PRPF3: variants seen among roughly 807,000 people sequenced by gnomAD.
PRPF3 encodes pre-mRNA processing factor 3.
A neutral mutation model predicts 89.2 loss-of-function variants in PRPF3; 3 were observed. That is an observed-to-expected ratio of 0.03 (90% confidence interval 0.02 to 0.09). The LOEUF is 0.09. Ranked by LOEUF, PRPF3 falls within the 10% of genes least tolerant of loss-of-function variation. The pLI is 1.00. For synonymous variants in PRPF3, 270 were observed against 289.1 expected (o/e 0.93, Z 0.67); for missense variants, 463 against 828.8 (o/e 0.56, Z 5.42).
rs782086138 is a variant in PRPF3, at chr1:150,338,330, AGTTT to A, written c.1202+9_1202+12del. ...TAATCCCCAATGGCTTTGATCTGTG[AGTTT>A]GTTTTAGTACCTTTTTAAAAAAACA... On this transcript the variant is annotated splice_donor_5th_base_variant and intron_variant, in intron 8 of 15. Coordinates refer to ENST00000324862, the MANE Select transcript of PRPF3 (RefSeq NM_004698.4). The A allele has an allele frequency of 2.5e-6, 4 of 1,613,560 alleles. No individual in the cohort carries two copies. In the African/African-American group the frequency reaches 4.0e-5, roughly 16 times the overall value.
At chr1:150,351,488 G>T (rs1553874356) in intron 15 of PRPF3, among the ~76,000 whole-genome samples, 1 of 151,366 alleles carries the variant, frequency 6.6e-6, no homozygotes, top group African/African-American at 2.4e-5. Context: ...CTGCATATTT[G>T]TTATCTTTTT....
intron 10 of PRPF3, 96 bp downstream of exon 10, chr1:150,343,548 T>TGAAA (rs1307167577): frequency 6.7e-7 from 1 of 1,495,684 alleles, no homozygotes; most frequent in Non-Finnish European, 9.2e-7. Context: ...GAGTGATTTC[T>TGAAA]GTTTCTAAGA....
chr1:150,345,948 T>A, intron 12 of PRPF3, 70 bp from the exon 13 acceptor site: 1 of 1,194,684 alleles, frequency 8.4e-7, no homozygotes, highest in South Asian at 1.2e-5. Flanking sequence ...TTCATCTTTT[T>A]ACTTGCCACT....
chr1:150,336,048 G>A (rs376702484), intron 7 of PRPF3, among the ~76,000 whole-genome samples: 5 of 152,288 alleles, frequency 3.3e-5, no homozygotes, highest in East Asian at 3.9e-4. Flanking sequence ...GATTATAGGC[G>A]TGAGCCACTG....
intron 1 of PRPF3, among the ~76,000 whole-genome samples, chr1:150,323,331 C>G (rs1655314641): frequency 6.6e-6 from 1 of 151,792 alleles, no homozygotes. Context: ...TGCCCACCAC[C>G]TCACCTGGCT....
chr1:150,344,487 T>A lies in PRPF3; in HGVS notation c.1580T>A (p.Val527Asp). Residue 527 changes from valine to aspartate, a missense_variant, in exon 12 of 16, where the codon GTC becomes GAC. Val to Asp is a radical substitution (Grantham distance 152). This residue lies in a region of PRPF3 where 261 missense variants were observed against 475.8 expected (regional missense o/e 0.55). Coordinates refer to ENST00000324862, the MANE Select transcript of PRPF3 (RefSeq NM_004698.4). ...ARKLTAEQRK[V>D]KKIKKLKEDI... ...AAACTCACAGCAGAACAGAGAAAGG[T>A]CAAGAAAATTAAAAAGCTTAAAGAA... is the stretch of plus-strand genomic sequence containing the variant. 6.2e-7 allele frequency: 1 copy of A among 1,614,062 alleles called. No homozygotes were observed. Among genetic ancestry groups the A allele is most frequent in the South Asian group, 1.1e-5 (1 of 91,082 alleles).
intron 4 of PRPF3, among the ~76,000 whole-genome samples, chr1:150,331,704 A>G (rs1185298209): frequency 6.6e-6 from 1 of 152,186 alleles, no homozygotes; most frequent in East Asian, 1.9e-4. Context: ...CACCTATTCA[A>G]GAAAAAATGT....
At chr1:150,339,187 T>G (rs922903783) in intron 8 of PRPF3, among the ~76,000 whole-genome samples, 1 of 149,706 alleles carries the variant, frequency 6.7e-6, no homozygotes, top group African/African-American at 2.5e-5. Flanking sequence ...GGCAATATGG[T>G]GAGACCTCGT....
Position 150,335,246 on chromosome 1 carries a change from C to G in PRPF3, c.1035+5C>G, listed in dbSNP as rs1656839327. On this transcript the variant is annotated splice_donor_5th_base_variant and intron_variant, in intron 7 of 15. Coordinates refer to ENST00000324862, the MANE Select transcript of PRPF3 (RefSeq NM_004698.4). ...GCTCAGCGATTACGGACAAAGGTAT[C>G]TGGCTTAGAGTATAACACAGAATTT... 1.9e-6 allele frequency: 3 copies of G among 1,613,024 alleles called. No individual in the cohort carries two copies. The highest frequency in any genetic ancestry group is 2.5e-6 in the Non-Finnish European group (3 of 1,179,072).
intron 1 of PRPF3, among the ~76,000 whole-genome samples, chr1:150,322,152 C>G (rs1655120299): frequency 1.3e-5 from 2 of 152,148 alleles, no homozygotes; most frequent in Admixed American, 6.6e-5. Flanking sequence ...ACAGTGGCAC[C>G]TCATTTATTG....
At chr1:150,352,608 T>C (rs1659050704) in intron 15 of PRPF3, among the ~76,000 whole-genome samples, 1 of 152,080 alleles carries the variant, frequency 6.6e-6, no homozygotes, top group Non-Finnish European at 1.5e-5. Flanking sequence ...GAGCTTGCAG[T>C]GAGCCGAGAT....
rs141638140 is a variant in PRPF3 at position 150,339,593 on chromosome 1, C to T, written c.1203-805C>T. On this transcript the variant is annotated intron_variant, in intron 8 of 15. Transcript: ENST00000324862. ...CTGAGATTATAGGCATGCACCACCA[C>T]GCCTGGCTAATTTTTGGTGTTTTTA... Among the ~76,000 whole-genome samples the T allele has an allele frequency of 4.1e-3, 629 of 151,994 alleles. 8 individuals carry two copies. Among genetic ancestry groups the T allele is most frequent in the African/African-American group, 0.014 (588 of 41,482 alleles).
intron 12 of PRPF3, chr1:150,345,768 A>C (rs1272656543): frequency 1.2e-5 from 6 of 493,944 alleles, no homozygotes; most frequent in African/African-American, 1.2e-4. Flanking sequence ...CCTCTCCCTG[A>C]CTCTTAGAGT....
At chr1:150,325,545 C>T (rs1655611789) in intron 2 of PRPF3, among the ~76,000 whole-genome samples, 1 of 152,154 alleles carries the variant, frequency 6.6e-6, no homozygotes, top group South Asian at 2.1e-4. Context: ...GCTCTAACTG[C>T]ACCACTTCCC....
At chr1:150,331,640 C>G (rs1341507176) in intron 4 of PRPF3, among the ~76,000 whole-genome samples, 1 of 152,148 alleles carries the variant, frequency 6.6e-6, no homozygotes, top group African/African-American at 2.4e-5. Flanking sequence ...GCTGGGATTA[C>G]AGGCGTGAGC....
At chr1:150,321,631 T>C (rs1572171584) in intron 1 of PRPF3, 39 bp downstream of exon 1, 1 of 152,338 alleles carries the variant, frequency 6.6e-6, no homozygotes, top group African/African-American at 2.4e-5. Flanking sequence ...GTAATTCCAG[T>C]CCGCGCCACT....
chr1:150,324,049 G>T (rs1553863006), intron 1 of PRPF3, among the ~76,000 whole-genome samples: 1 of 152,126 alleles, frequency 6.6e-6, no homozygotes, highest in Non-Finnish European at 1.5e-5. Flanking sequence ...AAAGTGCTGG[G>T]ATTACAGGCG....
At chr1:150,331,999 C>T (rs1310966631) in intron 4 of PRPF3, among the ~76,000 whole-genome samples, 2 of 151,770 alleles carry the variant, frequency 1.3e-5, no homozygotes, top group African/African-American at 2.4e-5. Context: ...CCGAGGTGGG[C>T]GGATCACGAG....
chr1:150,350,597 A>G (rs1289737878), intron 15 of PRPF3, among the ~76,000 whole-genome samples: 3 of 152,212 alleles, frequency 2.0e-5, no homozygotes, highest in Non-Finnish European at 4.4e-5. Context: ...CTTTATTATA[A>G]AAGTGGTACA....
Sources: gnomAD v4.1 joint callset for allele counts (sites outside exome capture counted in the v4.1 genomes callset) on GRCh38, gnomAD v4.1.1 for gene constraint, gnomAD v4.1.1 regional missense constraint, MANE v1.5 for transcripts, NCBI Gene and HGNC (gene_info 2026-07-23, HGNC 2026-07-21) for gene names.